The following ZNF521 variants were observed in gnomAD, a reference collection of about 807,000 sequenced individuals.
ZNF521 encodes the protein zinc finger protein 521.
A neutral mutation model predicts 105.5 loss-of-function variants in ZNF521; 14 were observed. The ratio of observed to expected loss-of-function variants is 0.13; its 90% CI spans 0.09 to 0.21. The LOEUF (loss-of-function observed/expected upper bound fraction) is 0.21. Ranked by LOEUF, ZNF521 falls within the 10% of genes least tolerant of loss-of-function variation. ZNF521 has a pLI of 1.00. For synonymous variants in ZNF521, 635 were observed against 606.0 expected (o/e 1.05, Z -0.70); for missense variants, 1,233 against 1,629.7 (o/e 0.76, Z 4.19).
In ZNF521 at chr18:25,352,065, C is replaced by G; in HGVS notation, c.-62G>C. 1 of 497,740 alleles carries G rather than the reference C, an allele frequency of 2.0e-6. No homozygotes were observed. Among genetic ancestry groups the G allele is most frequent in the South Asian group, 1.4e-5 (1 of 69,188 alleles). 30.8% of individuals were successfully genotyped at this position (497,740 alleles called of 1,614,324 possible). A position where few individuals can be genotyped will look rare whatever the true frequency, so the allele number is the denominator to read the frequency against. On this transcript the variant is annotated 5_prime_UTR_variant, in exon 1 of 8. Coordinates refer to ENST00000361524, the MANE Select transcript of ZNF521 (RefSeq NM_015461.3). ...TCCACATAATAATGGAAAATGGAAG[C>G]AAGGCCCCCAAAGCCATCAGGATGG...
At chr18:25,342,413 T>G (rs1914248630) in intron 2 of ZNF521, among the ~76,000 whole-genome samples, 1 of 94,342 alleles carries the variant, frequency 1.1e-5, no homozygotes, top group Non-Finnish European at 2.4e-5. Flanking sequence ...CCTTTGTTTT[T>G]TTTTTGTTTG....
rs922024711 is a variant in ZNF521, at chr18:25,183,539, T to G, written c.3658+11621A>C. On this transcript the variant is annotated intron_variant, in intron 5 of 7. Transcript: ENST00000361524. ...TTTAGAAAATAAGCCATGCTACAAC[T>G]GCCTCCAGTTCTCCAGCATCATTTT... 2.0e-4 allele frequency among the ~76,000 whole-genome samples: 30 copies of G among 152,168 alleles called. 1 individual carries two copies. The highest frequency in any genetic ancestry group is 7.2e-4 in the African/African-American group (30 of 41,446).
intron 5 of ZNF521, among the ~76,000 whole-genome samples, chr18:25,154,905 G>A (rs577357643): frequency 6.6e-6 from 1 of 152,168 alleles, no homozygotes; most frequent in East Asian, 1.9e-4. Context: ...TGGGTATATG[G>A]CCAGAAGAGG....
At chr18:25,263,007 G>A (rs892656072) in intron 3 of ZNF521, among the ~76,000 whole-genome samples, 1 of 152,164 alleles carries the variant, frequency 6.6e-6, no homozygotes, top group South Asian at 2.1e-4. Flanking sequence ...TACTAGAAAC[G>A]GCCAGTGGAA....
intron 2 of ZNF521, among the ~76,000 whole-genome samples, chr18:25,337,770 T>C (rs1223024347): frequency 6.6e-6 from 1 of 152,158 alleles, no homozygotes; most frequent in Non-Finnish European, 1.5e-5. Context: ...ATTGATCCCA[T>C]GTATATAAAA....
chr18:25,147,711 T>C (rs1255303822), intron 5 of ZNF521, among the ~76,000 whole-genome samples: 1 of 152,186 alleles, frequency 6.6e-6, no homozygotes, highest in Non-Finnish European at 1.5e-5. Flanking sequence ...ATTTCTCCCT[T>C]TGATTCTGTT....
rs45457294 is a variant in ZNF521 at position 25,259,385 on chromosome 18, C to T, written c.221-31688G>A. 3.4e-3 allele frequency among the ~76,000 whole-genome samples: 525 copies of T among 152,190 alleles called. 2 individuals carry two copies. The highest frequency in any genetic ancestry group is 6.4e-3 in the Non-Finnish European group (434 of 68,012). On this transcript the variant is annotated intron_variant, in intron 3 of 7. Transcript: ENST00000361524. ...TTCTTGTGACCCTTGTGAAATAAACCTTCTTAAGACTGAGTTATGGTATCA... is the reference window on the plus strand; with the variant it reads ...TTCTTGTGACCCTTGTGAAATAAACTTTCTTAAGACTGAGTTATGGTATCA...
rs114231499 is a variant in ZNF521, at chr18:25,282,073, G to A, written c.220+39935C>T. On this transcript the variant is annotated intron_variant, in intron 3 of 7. Transcript: ENST00000361524. ...TAATTTTGTTAGGAAGTTGCCACTC[G>A]TTTATAATTATAGGAAAATTCTGTT... is the stretch of plus-strand genomic sequence containing the variant. 4.2e-3 allele frequency among the ~76,000 whole-genome samples: 640 copies of A among 152,120 alleles called. 4 individuals carry two copies. Among genetic ancestry groups the A allele is most frequent in the East Asian group, 0.019 (99 of 5,156 alleles).
In ZNF521 at chr18:25,150,852, T is replaced by C. The variant is rs903492120; in HGVS notation, c.3658+44308A>G. Among the ~76,000 whole-genome samples the C allele has an allele frequency of 5.9e-5, 9 of 152,046 alleles. No homozygotes were observed. In the South Asian group the frequency reaches 6.3e-4, roughly 11 times the overall value. On this transcript the variant is annotated intron_variant, in intron 5 of 7. Transcript: ENST00000361524. ...ATGTGGTCTCTCACCCCTTCAATTC[T>C]ACTCTCCAGCTGGCTCCAGCTCTTT...
chr18:25,102,818 T>A (rs1403960420), intron 5 of ZNF521, among the ~76,000 whole-genome samples: 1 of 152,166 alleles, frequency 6.6e-6, no homozygotes, highest in Non-Finnish European at 1.5e-5. Context: ...ATTTCCTCCC[T>A]TAGTACAATG....
At chr18:25,340,870 A>G (rs1914161421) in intron 2 of ZNF521, among the ~76,000 whole-genome samples, 1 of 150,554 alleles carries the variant, frequency 6.6e-6, no homozygotes, top group Non-Finnish European at 1.5e-5. Context: ...CAAATCGGCA[A>G]GTATAAAAAA....
rs1345766105 is a variant in ZNF521, at chr18:25,224,667, T to A, written c.3251A>T (p.Asp1084Val). The change falls in exon 4 of 8, where the codon GAT becomes GTT. Residue 1084 changes from aspartate (D) to valine (V), a missense_variant. By Grantham distance (152) the Asp-to-Val change is radical. This residue lies in a region of ZNF521 where 614 missense variants were observed against 751.5 expected (regional missense o/e 0.82). Coordinates refer to ENST00000361524, the MANE Select transcript of ZNF521 (RefSeq NM_015461.3). ...CAGACCATATGGCAGGCCATTGATA[T>A]CAAGTTTCACCAGATCTTGCTTGGA... ...FRSKQDLVKL[D>V]INGLPYGLCA... 5.6e-6 allele frequency: 9 copies of A among 1,614,012 alleles called. No individual in the cohort carries two copies. Among genetic ancestry groups the A allele is most frequent in the Non-Finnish European group, 7.6e-6 (9 of 1,180,032 alleles).
intron 5 of ZNF521, among the ~76,000 whole-genome samples, chr18:25,105,933 G>T (rs1218533833): frequency 6.6e-6 from 1 of 152,094 alleles, no homozygotes; most frequent in African/African-American, 2.4e-5. Flanking sequence ...TATACTTTCA[G>T]CTTGGGCCTT....
chr18:25,218,505 A>C (rs2144709332), intron 4 of ZNF521, among the ~76,000 whole-genome samples: 1 of 150,940 alleles, frequency 6.6e-6, no homozygotes, highest in African/African-American at 2.4e-5. Flanking sequence ...AAAAAAAAAA[A>C]AATTAGCTGG....
At chr18:25,124,569 C>T (rs2034504008) in intron 5 of ZNF521, among the ~76,000 whole-genome samples, 1 of 152,094 alleles carries the variant, frequency 6.6e-6, no homozygotes, top group Non-Finnish European at 1.5e-5. Context: ...TGAACATTTC[C>T]CCCTTTTCTT....
rs1176125843 is a variant in ZNF521, at chr18:25,117,006, TAC to T, written c.3659-24927_3659-24926del. On this transcript the variant is annotated intron_variant, in intron 5 of 7. Coordinates refer to ENST00000361524, the MANE Select transcript of ZNF521 (RefSeq NM_015461.3). The stretch of plus-strand genomic sequence containing the variant: ...ATATACACACACACATATATATACA[TAC>T]ACACACACACATATATATATACATA... 2.4e-3 allele frequency among the ~76,000 whole-genome samples: 271 copies of T among 114,672 alleles called. 1 individual carries two copies. The highest frequency in any genetic ancestry group is 8.4e-3 in the African/African-American group (237 of 28,228). 75.2% of individuals were successfully genotyped at this position (114,672 alleles called of 152,430 possible).
chr18:25,275,877 C>A (rs1056728273), intron 3 of ZNF521, among the ~76,000 whole-genome samples: 1 of 152,120 alleles, frequency 6.6e-6, no homozygotes, highest in African/African-American at 2.4e-5. Flanking sequence ...TCCATGAAGG[C>A]AGTGTGAGGG....
intron 3 of ZNF521, among the ~76,000 whole-genome samples, chr18:25,246,460 T>C (rs1309932551): frequency 6.6e-6 from 1 of 152,192 alleles, no homozygotes; most frequent in Non-Finnish European, 1.5e-5. Context: ...TCTTTTTTGT[T>C]TGATCCTATT....
In ZNF521 at chr18:25,346,900, C is replaced by G. The variant is rs182842223; in HGVS notation, c.40+4007G>C. Among the ~76,000 whole-genome samples the G allele has an allele frequency of 2.0e-5, 3 of 152,286 alleles. No homozygotes were observed. The East Asian group carries it at 5.8e-4, about 29-fold the overall frequency. ...CATCTAAATGACTAAGTGCTCCCCT[C>G]TCTCCTTCCCAGCTTTATAACTTGG... On this transcript the variant is annotated intron_variant, in intron 2 of 7. Coordinates refer to ENST00000361524, the MANE Select transcript of ZNF521 (RefSeq NM_015461.3).
Sources: gnomAD v4.1 joint callset for allele counts (sites outside exome capture counted in the v4.1 genomes callset) on GRCh38, gnomAD v4.1.1 for gene constraint, gnomAD v4.1.1 regional missense constraint, MANE v1.5 for transcripts, NCBI Gene and HGNC (gene_info 2026-07-23, HGNC 2026-07-21) for gene names.